The following KNDC1 variants were observed in gnomAD, a reference collection of about 807,000 sequenced individuals.
The protein encoded by KNDC1 is kinase non-catalytic C-lobe domain-containing protein 1.
In KNDC1, 106 loss-of-function variants were observed where a neutral mutation model predicts 172.8. The ratio of observed to expected loss-of-function variants is 0.61; its 90% confidence interval spans 0.52 to 0.72. The LOEUF (loss-of-function observed/expected upper bound fraction) is 0.72. Among genes scored for constraint, KNDC1 ranks in the 30% least tolerant of loss-of-function variants. The probability of loss-of-function intolerance (pLI) is 0.00; values close to 1 mark genes in which losing one functional copy is unlikely to be tolerated. For missense variants in KNDC1, 2,325 were observed against 2,394.5 expected (o/e 0.97, Z 0.61); for synonymous variants, 1,083 against 1,062.2 (o/e 1.02, Z -0.38).
In KNDC1 at chr10:133,183,404, A is replaced by G; in HGVS notation, c.421A>G (p.Thr141Ala). 6.2e-7 allele frequency: 1 copy of G among 1,602,750 alleles called. No homozygotes were observed. Among genetic ancestry groups the G allele is most frequent in the South Asian group, 1.1e-5 (1 of 88,974 alleles). The change falls in exon 4 of 30, where the codon ACA (threonine) becomes GCA (alanine). Residue 141 changes from threonine (T) to alanine (A), a missense_variant. By Grantham distance (58) the Thr-to-Ala change is moderately conservative (BLOSUM62 0). Coordinates refer to ENST00000304613, the MANE Select transcript of KNDC1 (RefSeq NM_152643.8). ...CGCCCTCGAGTACGTGGCAGAGCCC[A>G]CACTGGAACCCAGGCTGAGCCAAGA... ...KAALEYVAEP[T>A]LEPRLSQDLE...
chr10:133,164,887 C>T (rs895466497), intron 1 of KNDC1, among the ~76,000 whole-genome samples: 12 of 152,308 alleles, frequency 7.9e-5, no homozygotes, highest in East Asian at 1.9e-4. Flanking sequence ...CCAGTCCTCT[C>T]GTCCTGTCCT....
At chr10:133,187,103 A>T (rs1300765547) in intron 6 of KNDC1, among the ~76,000 whole-genome samples, 1 of 152,216 alleles carries the variant, frequency 6.6e-6, no homozygotes, top group Admixed American at 6.5e-5. Context: ...TAAAAGTTAG[A>T]AACCAAAGCT....
rs187299776 is a variant in KNDC1, at chr10:133,195,087, G to C, written c.1576-576G>C. Among the ~76,000 whole-genome samples, 5 of 152,338 alleles carry C rather than the reference G, an allele frequency of 3.3e-5. No homozygotes were observed. In the East Asian group the frequency reaches 9.6e-4, roughly 29 times the overall value. On this transcript the variant is annotated intron_variant, in intron 9 of 29. Transcript: ENST00000304613. ...ACTGTGGATGAACATGGGTTTCATT[G>C]ATTTTTATCAATGAAAGCCTTCAGT... is the stretch of plus-strand genomic sequence containing the variant.
intron 29 of KNDC1, among the ~76,000 whole-genome samples, chr10:133,221,213 C>G (rs1354562259): frequency 6.6e-6 from 1 of 152,096 alleles, no homozygotes; most frequent in African/African-American, 2.4e-5. Flanking sequence ...ACCCCTCTCC[C>G]TAGAGACATC....
At chr10:133,219,782 C>T (rs534202313) in intron 28 of KNDC1, among the ~76,000 whole-genome samples, 173 bp from the exon 29 acceptor site, 9 of 152,246 alleles carry the variant, frequency 5.9e-5, no homozygotes, top group African/African-American at 1.7e-4. Flanking sequence ...TGAGCCAAGT[C>T]CAACCATCCA....
chr10:133,190,542 C>A (rs1460666274), intron 9 of KNDC1, among the ~76,000 whole-genome samples: 1 of 152,228 alleles, frequency 6.6e-6, no homozygotes, highest in African/African-American at 2.4e-5. Context: ...CCTGGGTTTT[C>A]CTTCTGCCTC....
chr10:133,163,650 C>T lies in KNDC1; in HGVS notation c.102+3081C>T, dbSNP rs955882985. Among the ~76,000 whole-genome samples the T allele has an allele frequency of 6.6e-6, 1 of 152,122 alleles. No homozygotes were observed. Among genetic ancestry groups the T allele is most frequent in the African/African-American group, 2.4e-5 (1 of 41,424 alleles). Reference sequence around the variant, plus strand: ...CAGTTGGTCATAAGACAGTGTATTTCAAATGCGCCACACGATCTAGGCGTC... The same window carrying T: ...CAGTTGGTCATAAGACAGTGTATTTTAAATGCGCCACACGATCTAGGCGTC... On this transcript the variant is annotated intron_variant, in intron 1 of 29. Coordinates refer to ENST00000304613, the MANE Select transcript of KNDC1 (RefSeq NM_152643.8). The surrounding 1 kb of genome is among the most constrained non-coding windows in gnomAD (Gnocchi z 4.4).
rs143078253 is a variant in KNDC1 at position 133,186,551 on chromosome 10, C to T, written c.1203C>T (p.Pro401=). ...GSPGQPETSH[P]SQGPAEAPAD... The stretch of plus-strand genomic sequence containing the variant: ...CAGGACAGCCCGAGACTTCACACCC[C>T]AGCCAGGGGCCAGCAGAGGCCCCTG... Residue 401 remains proline, a synonymous_variant, in exon 6 of 30, where the codon CCC becomes CCT. Coordinates refer to ENST00000304613, the MANE Select transcript of KNDC1 (RefSeq NM_152643.8). The T allele has an allele frequency of 5.5e-4, 888 of 1,611,056 alleles. 9 individuals carry two copies. In the East Asian group the frequency reaches 0.019, roughly 34 times the overall value.
In KNDC1 at chr10:133,186,286, C is replaced by G. The variant is rs184464993; in HGVS notation, c.938C>G (p.Ser313Cys). The change falls in exon 6 of 30, where the codon TCC becomes TGC. Residue 313 changes from serine (S) to cysteine (C), a missense_variant. By Grantham distance (112) the Ser-to-Cys change is moderately radical. Coordinates refer to ENST00000304613, the MANE Select transcript of KNDC1 (RefSeq NM_152643.8). ...GTGCAGACGTTCCCTAGGCTGCTGTCCGACAGCCCCGAGGCCACCCTCTGC... is the reference window on the plus strand; with the variant it reads ...GTGCAGACGTTCCCTAGGCTGCTGTGCGACAGCCCCGAGGCCACCCTCTGC... ...RKVQTFPRLL[S>C]DSPEATLCLP... 5.6e-6 allele frequency: 9 copies of G among 1,610,616 alleles called. No individual in the cohort carries two copies. The Admixed American group carries it at 1.2e-4, about 21-fold the overall frequency.
intron 11 of KNDC1, 85 bp from the exon 12 acceptor site, chr10:133,197,590 G>A (rs944490029): frequency 6.6e-5 from 66 of 1,002,074 alleles, no homozygotes; most frequent in African/African-American, 6.2e-4. Flanking sequence ...CGGCACCGGC[G>A]GGTGGTGGGG....
At position 133,222,196 on chromosome 10, in the gene KNDC1, T is replaced by C. The variant is rs368077870; in HGVS notation, c.5018+2084T>C. 5.6e-3 allele frequency among the ~76,000 whole-genome samples: 801 copies of C among 143,580 alleles called. 6 individuals carry two copies. Among genetic ancestry groups the C allele is most frequent in the African/African-American group, 0.02 (764 of 38,964 alleles). 94.2% of individuals were successfully genotyped at this position (143,580 alleles called of 152,430 possible). ...TACTCGGGAGGCTGAGGCAGGAGAA[T>C]GGCGTGAACCCGGGAGGCGGAGCTT... On this transcript the variant is annotated intron_variant, in intron 29 of 29. Coordinates refer to ENST00000304613, the MANE Select transcript of KNDC1 (RefSeq NM_152643.8).
At chr10:133,200,262 G>A (rs775234997) in intron 15 of KNDC1, 113 bp from the exon 16 acceptor site, 89 of 723,692 alleles carry the variant, frequency 1.2e-4, no homozygotes, top group Non-Finnish European at 1.7e-4. Context: ...AGCTCCTGCC[G>A]CCTCCAGCGA....
At chr10:133,188,100 C>T (rs951810324) in intron 6 of KNDC1, among the ~76,000 whole-genome samples, 2 of 152,160 alleles carry the variant, frequency 1.3e-5, no homozygotes, top group African/African-American at 2.4e-5. Context: ...CGAGGCCAAG[C>T]GCCATCCACA....
chr10:133,191,812 G>T (rs573682801), intron 9 of KNDC1, among the ~76,000 whole-genome samples: 1 of 152,214 alleles, frequency 6.6e-6, no homozygotes, highest in African/African-American at 2.4e-5. Flanking sequence ...AACCCCACAG[G>T]AGCACTGCGG....
Position 133,186,474 on chromosome 10 carries a change from G to C in KNDC1, c.1126G>C (p.Val376Leu). 1.2e-6 allele frequency: 2 copies of C among 1,612,438 alleles called. No individual in the cohort carries two copies. The highest frequency in any genetic ancestry group is 1.7e-6 in the Non-Finnish European group (2 of 1,179,756). The change falls in exon 6 of 30, where the codon GTT becomes CTT. Residue 376 changes from valine to leucine, a missense_variant. Physicochemically the swap from Val to Leu is conservative, Grantham distance 32. Coordinates refer to ENST00000304613, the MANE Select transcript of KNDC1 (RefSeq NM_152643.8). Reference protein sequence around the residue: ...EQEPEHQLGRVPCAGRSTDRG... With the variant: ...EQEPEHQLGRLPCAGRSTDRG... ...GGAGCCGGAACACCAGCTGGGACGG[G>C]TTCCCTGTGCAGGCCGCAGCACGGA...
At chr10:133,219,924 T>C in intron 28 of KNDC1, 31 bp from the exon 29 acceptor site, 1 of 1,541,542 alleles carries the variant, frequency 6.5e-7, no homozygotes. Context: ...GCCCTGTCTC[T>C]CCCCGGCCCA....
chr10:133,187,178 C>T (rs1853944295), intron 6 of KNDC1, among the ~76,000 whole-genome samples: 1 of 152,206 alleles, frequency 6.6e-6, no homozygotes, highest in East Asian at 1.9e-4. Context: ...CCGCTGCCTC[C>T]GCGGGGACGC....
At chr10:133,222,214 C>T (rs1410224493) in intron 29 of KNDC1, among the ~76,000 whole-genome samples, 6 of 145,736 alleles carry the variant, frequency 4.1e-5, no homozygotes, top group South Asian at 2.3e-4. Flanking sequence ...ACCCGGGAGG[C>T]GGAGCTTCCA....
intron 1 of KNDC1, among the ~76,000 whole-genome samples, chr10:133,162,621 T>G (rs192893016): frequency 6.6e-6 from 1 of 152,234 alleles, no homozygotes; most frequent in Non-Finnish European, 1.5e-5. Context: ...TGTTTGCTCA[T>G]TGCAATCAGG....
Sources: allele counts gnomAD v4.1 joint callset (sites outside exome capture counted in the v4.1 genomes callset), GRCh38; gene constraint gnomAD v4.1.1; non-coding constraint Gnocchi (gnomAD v3.1); transcripts MANE v1.5; gene names NCBI Gene and HGNC (gene_info 2026-07-23, HGNC 2026-07-21).